The following ZNF729 variants were observed in gnomAD, a reference collection of about 807,000 sequenced individuals.
ZNF729 encodes zinc finger protein 729.
ZNF729 carries 15 observed loss-of-function variants against 12.2 expected under a neutral mutation model. The ratio of observed to expected loss-of-function variants is 1.23; its 90% confidence interval spans 0.82 to 1.89. ZNF729 has a LOEUF of 1.89. Ranked by LOEUF, ZNF729 falls within the 40% of genes most tolerant of loss-of-function variation. The probability of loss-of-function intolerance (pLI) is 0.00; values close to 1 mark genes in which losing one functional copy is unlikely to be tolerated. For missense variants in ZNF729, 1,540 were observed against 1,456.7 expected (o/e 1.06, Z -0.93); for synonymous variants, 492 against 476.3 (o/e 1.03, Z -0.43).
chr19:22,311,464 G>A (rs549145701), intron 3 of ZNF729, among the ~76,000 whole-genome samples: 2 of 152,142 alleles, frequency 1.3e-5, no homozygotes, highest in South Asian at 2.1e-4. Context: ...GATTATTCAG[G>A]AGCAGGTTTT....
In ZNF729 at chr19:22,316,307, T is replaced by A; in HGVS notation, c.2890T>A (p.Tyr964Asn). ...GATAATTCATACTGGGAAGAAACCA[T>A]ACAAATGTGCAGAATGTGGCAAAGC... ...HKIIHTGKKPYKCAECGKAFK... is the reference protein window; with the variant it reads ...HKIIHTGKKPNKCAECGKAFK... The change falls in exon 4 of 4, where the codon TAC becomes AAC. Residue 964 changes from tyrosine (Y) to asparagine (N), a missense_variant. By Grantham distance (143) the Tyr-to-Asn change is moderately radical. Coordinates refer to ENST00000601693, the MANE Select transcript of ZNF729 (RefSeq NM_001242680.2). The A allele has an allele frequency of 6.2e-7, 1 of 1,613,654 alleles. No individual in the cohort carries two copies. The highest frequency in any genetic ancestry group is 1.3e-5 in the African/African-American group (1 of 75,006).
chr19:22,290,629 T>C (rs994189652), intron 1 of ZNF729, among the ~76,000 whole-genome samples: 7 of 152,294 alleles, frequency 4.6e-5, no homozygotes, highest in African/African-American at 1.7e-4. Context: ...GGTTGTATGT[T>C]GACTCAGACT....
intron 1 of ZNF729, among the ~76,000 whole-genome samples, chr19:22,287,848 C>CT (rs542002326): frequency 0.14 from 19,003 of 138,202 alleles, 1,472 homozygotes; most frequent in East Asian, 0.27. Flanking sequence ...ACTATTTGTC[C>CT]TTTTTTTTTT....
In ZNF729 at chr19:22,314,614, T is replaced by A; in HGVS notation, c.1197T>A (p.Thr399=). ...TTACTGTACATAAGGTAGTTCATAC[T>A]GGAGAGAAACCCTACAAATGTGAAG... The part of the protein sequence containing the change: ...SKLTVHKVVH[T]GEKPYKCEEC... Residue 399 remains threonine (T), a synonymous_variant, in exon 4 of 4, where the codon ACT becomes ACA. Transcript: ENST00000601693. The A allele has an allele frequency of 6.2e-7, 1 of 1,612,308 alleles. No homozygotes were observed. The highest frequency in any genetic ancestry group is 8.5e-7 in the Non-Finnish European group (1 of 1,179,926).
intron 1 of ZNF729, among the ~76,000 whole-genome samples, chr19:22,287,129 T>G (rs542557760): frequency 7.9e-5 from 12 of 152,288 alleles, no homozygotes; most frequent in Admixed American, 7.2e-4. Context: ...GTTACGTAGT[T>G]TCTCAGTTTG....
chr19:22,288,091 G>A (rs753707697), intron 1 of ZNF729, among the ~76,000 whole-genome samples: 7 of 151,982 alleles, frequency 4.6e-5, no homozygotes, highest in Non-Finnish European at 1.0e-4. Context: ...TGATCTGCTC[G>A]CCTCAGCTTC....
chr19:22,296,428 A>G (rs1212426700), intron 1 of ZNF729, among the ~76,000 whole-genome samples: 1 of 152,162 alleles, frequency 6.6e-6, no homozygotes, highest in Admixed American at 6.5e-5. Flanking sequence ...TGTTCATAGT[A>G]GACTTCAATA....
chr19:22,296,567 A>C (rs970157689), intron 1 of ZNF729, among the ~76,000 whole-genome samples: 1 of 151,562 alleles, frequency 6.6e-6, no homozygotes, highest in Non-Finnish European at 1.5e-5. Context: ...TTTATCTCGG[A>C]TTTCTTGTTC....
Position 22,315,347 on chromosome 19 carries a change from A to G in ZNF729, c.1930A>G (p.Thr644Ala). Residue 644 changes from threonine to alanine, a missense_variant, in exon 4 of 4, where the codon ACT becomes GCT. Coordinates refer to ENST00000601693, the MANE Select transcript of ZNF729 (RefSeq NM_001242680.2). The stretch of plus-strand genomic sequence containing the variant: ...AGCTTTTAGGCAATCCTCACACCTT[A>G]CTAGACATAAAGCAATTCATACTGG... ...GKAFRQSSHLTRHKAIHTGEK... is the reference protein window; with the variant it reads ...GKAFRQSSHLARHKAIHTGEK... 6.2e-7 allele frequency: 1 copy of G among 1,613,558 alleles called. No individual in the cohort carries two copies. Among genetic ancestry groups the G allele is most frequent in the Non-Finnish European group, 8.5e-7 (1 of 1,179,766 alleles).
chr19:22,294,530 G>A (rs1408142479), intron 1 of ZNF729, among the ~76,000 whole-genome samples: 1 of 151,540 alleles, frequency 6.6e-6, no homozygotes, highest in African/African-American at 2.4e-5. Context: ...GATAAGAATA[G>A]CATTAAATCA....
chr19:22,311,284 T>TA (rs1393709510), intron 3 of ZNF729, among the ~76,000 whole-genome samples: 2 of 152,126 alleles, frequency 1.3e-5, no homozygotes, highest in African/African-American at 4.8e-5. Flanking sequence ...GGTGTGAATT[T>TA]AGAGTGTCTG....
chr19:22,300,721 A>G (rs551584000), intron 1 of ZNF729, among the ~76,000 whole-genome samples: 50 of 152,198 alleles, frequency 3.3e-4, no homozygotes, highest in Non-Finnish European at 6.9e-4. Flanking sequence ...TGACTCTTGT[A>G]TCTTCCGAAC....
chr19:22,295,908 CTT>C (rs1968225281), intron 1 of ZNF729, among the ~76,000 whole-genome samples: 1 of 152,056 alleles, frequency 6.6e-6, no homozygotes, highest in Non-Finnish European at 1.5e-5. Context: ...CTTTAATTCT[CTT>C]TATGTGATGA....
At chr19:22,303,346 A>G (rs940869663) in intron 1 of ZNF729, among the ~76,000 whole-genome samples, 7 of 150,136 alleles carry the variant, frequency 4.7e-5, no homozygotes, top group Non-Finnish European at 1.0e-4. Context: ...TCTAAAATAA[A>G]TATGCATAAC....
intron 2 of ZNF729, among the ~76,000 whole-genome samples, chr19:22,304,357 A>G (rs1400057893): frequency 1.3e-5 from 2 of 152,076 alleles, no homozygotes; most frequent in African/African-American, 4.8e-5. Context: ...TTTTTTAAAG[A>G]TGTTTCATTT....
rs1209506679 is a variant in ZNF729 at position 22,314,048 on chromosome 19, G to A, written c.631G>A (p.Glu211Lys). The change falls in exon 4 of 4, where the codon GAA becomes AAA. Residue 211 changes from glutamate (E) to lysine (K), a missense_variant. Glu to Lys is a moderately conservative substitution (Grantham distance 56, BLOSUM62 1). Coordinates refer to ENST00000601693, the MANE Select transcript of ZNF729 (RefSeq NM_001242680.2). ...TATTAGACAGAATATCTACAAATGT[G>A]AAGAACGTGGCAAAGCCTTTAAATC... ...IHIRQNIYKCEERGKAFKSFS... is the reference protein window; with the variant it reads ...IHIRQNIYKCKERGKAFKSFS... The A allele has an allele frequency of 6.5e-7, 1 of 1,542,106 alleles. No homozygotes were observed. Among genetic ancestry groups the A allele is most frequent in the Non-Finnish European group, 8.7e-7 (1 of 1,145,772 alleles).
rs1968243579 is a variant in ZNF729 at position 22,297,504 on chromosome 19, T to C, written c.31-6254T>C. On this transcript the variant is annotated intron_variant, in intron 1 of 3. Coordinates refer to ENST00000601693, the MANE Select transcript of ZNF729 (RefSeq NM_001242680.2). The stretch of plus-strand genomic sequence containing the variant: ...TATTTTGCTTATCTTTTTTAAAGCA[T>C]TTAGATTTTATGTAGATATTTTTCT... Among the ~76,000 whole-genome samples the C allele has an allele frequency of 2.0e-5, 3 of 151,962 alleles. No homozygotes were observed. In the South Asian group the frequency reaches 6.2e-4, roughly 31 times the overall value.
At chr19:22,288,231 T>C (rs1222755761) in intron 1 of ZNF729, among the ~76,000 whole-genome samples, 2 of 152,120 alleles carry the variant, frequency 1.3e-5, no homozygotes, top group Admixed American at 6.6e-5. Flanking sequence ...CTAATATTTG[T>C]TTTCTGTTTG....
Position 22,314,032 on chromosome 19 carries a change from G to C in ZNF729, c.615G>C (p.Gln205His), listed in dbSNP as rs752926644. ...GACATAAGAGAATTCATATTAGACAGAATATCTACAAATGTGAAGAACGTG... is the reference window on the plus strand; with the variant it reads ...GACATAAGAGAATTCATATTAGACACAATATCTACAAATGTGAAGAACGTG... ...LIRHKRIHIR[Q>H]NIYKCEERGK... The change falls in exon 4 of 4, where the codon CAG (glutamine) becomes CAC (histidine). Residue 205 changes from glutamine (Q) to histidine (H), a missense_variant. Coordinates refer to ENST00000601693, the MANE Select transcript of ZNF729 (RefSeq NM_001242680.2). 2.6e-6 allele frequency: 4 copies of C among 1,541,538 alleles called. No homozygotes were observed. In the South Asian group the frequency reaches 4.8e-5, roughly 19 times the overall value.
Sources: allele counts gnomAD v4.1 joint callset (sites outside exome capture counted in the v4.1 genomes callset), GRCh38; gene constraint gnomAD v4.1.1; transcripts MANE v1.5; gene names NCBI Gene and HGNC (gene_info 2026-07-23, HGNC 2026-07-21).